Variants in MAP3K12 observed in about 807,000 individuals in gnomAD.
MAP3K12 encodes the protein MAPK-upstream kinase.
In MAP3K12, 14 loss-of-function variants were observed where a neutral mutation model predicts 87.5. That is an observed-to-expected ratio of 0.16 (90% CI 0.11 to 0.25). The LOEUF (loss-of-function observed/expected upper bound fraction) is 0.25, where lower values mean the gene tolerates loss of function less well. MAP3K12 is among the 10% of genes least tolerant of loss of function. The probability of loss-of-function intolerance (pLI) is 1.00; values close to 1 mark genes in which losing one functional copy is unlikely to be tolerated. For missense variants in MAP3K12, 802 were observed against 1,140.4 expected (o/e 0.70, Z 4.27); for synonymous variants, 469 against 452.5 (o/e 1.04, Z -0.46).
intron 4 of MAP3K12, 103 bp downstream of exon 4, chr12:53,485,953 G>T: frequency 9.3e-7 from 1 of 1,075,118 alleles, no homozygotes; most frequent in Non-Finnish European, 1.4e-6. Flanking sequence ...TTTCTGAGAT[G>T]GCCACATGGA....
At chr12:53,496,482 G>A (rs1437239358) in intron 1 of MAP3K12, among the ~76,000 whole-genome samples, 4 of 152,202 alleles carry the variant, frequency 2.6e-5, no homozygotes, top group Non-Finnish European at 4.4e-5. Context: ...GAGGCCTCGG[G>A]GAAGGGGAGG....
At chr12:53,495,438 G>A (rs1250437693) in intron 1 of MAP3K12, among the ~76,000 whole-genome samples, 5 of 137,402 alleles carry the variant, frequency 3.6e-5, no homozygotes, top group East Asian at 2.3e-4. Context: ...GTGAAACCCC[G>A]TTTCTACCAA....
intron 9 of MAP3K12, 50 bp from the exon 10 acceptor site, chr12:53,483,536 C>A: frequency 6.2e-7 from 1 of 1,613,778 alleles, no homozygotes; most frequent in Non-Finnish European, 8.5e-7. Context: ...GGAAGGGGCA[C>A]CCCAGTCTCA....
intron 1 of MAP3K12, among the ~76,000 whole-genome samples, chr12:53,493,395 C>T (rs1480142522): frequency 2.0e-5 from 3 of 151,932 alleles, no homozygotes; most frequent in Non-Finnish European, 4.4e-5. Flanking sequence ...CTGGTGTTGG[C>T]AGGAGGGGAC....
Position 53,486,732 on chromosome 12 carries a change from G to T in MAP3K12, c.446-110C>A. On this transcript the variant is annotated intron_variant, in intron 2 of 13. Coordinates refer to ENST00000547488, the MANE Select transcript of MAP3K12 (RefSeq NM_001193511.2). This position sits in a 1 kb window ranked among gnomAD's most constrained non-coding sequence, Gnocchi z 4.9. ...TGACTTAAGGAGGGTGAGGCAGAAA[G>T]CCAAAAATAGGCCAAGAAGAAGGTT... 1 of 1,452,856 alleles carries T rather than the reference G, an allele frequency of 6.9e-7. No individual in the cohort carries two copies. Among genetic ancestry groups the T allele is most frequent in the Non-Finnish European group, 9.0e-7 (1 of 1,107,832 alleles). The allele number at this position is 1,452,856 out of a possible 1,614,324, so 90.0% of individuals were successfully genotyped here.
intron 1 of MAP3K12, among the ~76,000 whole-genome samples, chr12:53,491,301 A>AAGAAAAAAAAAAAG (rs1555212341): frequency 3.0e-5 from 3 of 101,568 alleles, no homozygotes; most frequent in Admixed American, 2.5e-4. Flanking sequence ...AAAAAAAAAA[A>AAGAAAAAAAAAAAG]AAAAGAAAAG....
rs115000617 is a variant in MAP3K12 at position 53,482,823 on chromosome 12, G to C, written c.1980C>G (p.Gly660=). 1.2e-6 allele frequency: 2 copies of C among 1,610,996 alleles called. No homozygotes were observed. The highest frequency in any genetic ancestry group is 4.5e-5 in the East Asian group (2 of 44,830). The change falls in exon 11 of 14, where the codon GGC becomes GGG. Residue 660 remains glycine (G), a synonymous_variant. Transcript: ENST00000547488. ...ALGSRGRGAT[G]GAGDPGSPPP... is the part of the protein sequence containing the mutation. ...GTGGTGAGCCAGGATCCCCAGCTCC[G>C]CCTGTGGCCCCCCGGCCCCGGGACC... is the stretch of plus-strand genomic sequence containing the variant.
chr12:53,484,100 C>T (rs1943158425), intron 7 of MAP3K12, 80 bp from the exon 8 acceptor site: 1 of 1,454,010 alleles, frequency 6.9e-7, no homozygotes, highest in South Asian at 1.2e-5. Flanking sequence ...ACACCACTGC[C>T]AATGTGTGTG....
chr12:53,487,441 A>G lies in MAP3K12; in HGVS notation c.-37-13T>C. On this transcript the variant is annotated splice_polypyrimidine_tract_variant and intron_variant, in intron 1 of 13. Transcript: ENST00000547488. ...TGAACACTGGGCCCTGTGGGAATGA[A>G]GGAAGGAGGGGCTGGGCTGTTAAAG... is the stretch of plus-strand genomic sequence containing the variant. 2 of 1,553,958 alleles carry G rather than the reference A, an allele frequency of 1.3e-6. No homozygotes were observed. Among genetic ancestry groups the G allele is most frequent in the Non-Finnish European group, 8.7e-7 (1 of 1,150,740 alleles).
chr12:53,481,391 C>G (rs1361073782), intron 13 of MAP3K12, 111 bp from the exon 14 acceptor site: 7 of 458,958 alleles, frequency 1.5e-5, no homozygotes, highest in African/African-American at 4.2e-5. Context: ...TCACTCTCGC[C>G]CAGGCTGGAG....
chr12:53,498,937 T>TGGAGATG (rs1344884072), intron 1 of MAP3K12, among the ~76,000 whole-genome samples: 4 of 4,878 alleles, frequency 8.2e-4, no homozygotes, highest in Admixed American at 2.5e-3. Flanking sequence ...TGTGTGTGTG[T>TGGAGATG]GTGTGTGTGT....
At chr12:53,497,650 G>A (rs551138596) in intron 1 of MAP3K12, among the ~76,000 whole-genome samples, 1 of 152,206 alleles carries the variant, frequency 6.6e-6, no homozygotes, top group Non-Finnish European at 1.5e-5. Context: ...AACAGTGTGA[G>A]TGAATGCATG....
chr12:53,483,262 A>G (rs1414108301), intron 10 of MAP3K12, 73 bp from the exon 11 acceptor site: 2 of 1,565,006 alleles, frequency 1.3e-6, no homozygotes, highest in African/African-American at 2.7e-5. Context: ...AACCTTGGAC[A>G]CTAAAGTACA....
chr12:53,486,495 T>C lies in MAP3K12; in HGVS notation c.573A>G (p.Lys191=). 2 of 1,614,178 alleles carry C rather than the reference T, an allele frequency of 1.2e-6. No individual in the cohort carries two copies. Among genetic ancestry groups the C allele is most frequent in the Non-Finnish European group, 1.7e-6 (2 of 1,180,036 alleles). ...EVAVKKVRDL[K]ETDIKHLRKL... is the part of the protein sequence containing the mutation. ...TTCGCAAGTGCTTGATGTCGGTTTC[T>C]TTGAGGTCTCGCACCTTCTTCACAG... Residue 191 remains lysine (K), a synonymous_variant, in exon 3 of 14, where the codon AAA becomes AAG. Transcript: ENST00000547488. This position sits in a 1 kb window ranked among gnomAD's most constrained non-coding sequence, Gnocchi z 4.9.
Position 53,486,394 on chromosome 12 carries a change from C to T in MAP3K12, c.629+45G>A, listed in dbSNP as rs762865305. 2.5e-6 allele frequency: 4 copies of T among 1,605,278 alleles called. No individual in the cohort carries two copies. Among genetic ancestry groups the T allele is most frequent in the Admixed American group, 3.4e-5 (2 of 59,534 alleles). On this transcript the variant is annotated intron_variant, in intron 3 of 13. Coordinates refer to ENST00000547488, the MANE Select transcript of MAP3K12 (RefSeq NM_001193511.2). This position sits in a 1 kb window ranked among gnomAD's most constrained non-coding sequence, Gnocchi z 4.9. ...CCCACTGCCCAGGAGGGTACCAGGCCTTAGCATAGTATCCCCAACACCCAG... is the reference window on the plus strand; with the variant it reads ...CCCACTGCCCAGGAGGGTACCAGGCTTTAGCATAGTATCCCCAACACCCAG...
Position 53,485,202 on chromosome 12 carries a change from C to T in MAP3K12, c.993G>A (p.Val331=), listed in dbSNP as rs1322054426. Residue 331 remains valine, a synonymous_variant, in exon 6 of 14, where the codon GTG becomes GTA. Transcript: ENST00000547488. ...SEKVDIWSFG[V]VLWELLTGEI... ...CACCAGTCAGCAGTTCCCATAGCAC[C>T]ACGCCAAAGGACCTAGGGATGAGGG... 4.3e-6 allele frequency: 7 copies of T among 1,612,244 alleles called. No individual in the cohort carries two copies. Among genetic ancestry groups the T allele is most frequent in the Non-Finnish European group, 5.9e-6 (7 of 1,178,834 alleles).
At chr12:53,497,726 G>A (rs1943570925) in intron 1 of MAP3K12, among the ~76,000 whole-genome samples, 1 of 152,194 alleles carries the variant, frequency 6.6e-6, no homozygotes, top group Non-Finnish European at 1.5e-5. Context: ...GGGGGTCCCA[G>A]GGCTTGACTG....
In MAP3K12 at chr12:53,481,121, A is replaced by G. The variant is rs902467015; in HGVS notation, c.*61T>C. 4.9e-6 allele frequency: 3 copies of G among 612,620 alleles called. No individual in the cohort carries two copies. Among genetic ancestry groups the G allele is most frequent in the Non-Finnish European group, 6.7e-6 (3 of 449,086 alleles). The allele number at this position is 612,620 out of a possible 1,614,324, so 37.9% of individuals were successfully genotyped here. A position where few individuals can be genotyped will look rare whatever the true frequency, so the allele number is the denominator to read the frequency against. On this transcript the variant is annotated 3_prime_UTR_variant, in exon 14 of 14. Transcript: ENST00000547488. ...GATTATGTGGCGCATATATATATAT[A>G]TATGTATATATATATAATTTATATA...
intron 1 of MAP3K12, among the ~76,000 whole-genome samples, chr12:53,497,737 G>A (rs1033796686): frequency 6.6e-6 from 1 of 152,192 alleles, no homozygotes; most frequent in Non-Finnish European, 1.5e-5. Flanking sequence ...GGCTTGACTG[G>A]TGTAGGGCTG....
Sources: gnomAD v4.1 joint callset for allele counts (sites outside exome capture counted in the v4.1 genomes callset) on GRCh38, gnomAD v4.1.1 for gene constraint, Gnocchi (gnomAD v3.1) non-coding constraint, MANE v1.5 for transcripts, NCBI Gene and HGNC (gene_info 2026-07-23, HGNC 2026-07-21) for gene names.